The following PTPRT variants were observed in gnomAD, a reference collection of about 807,000 sequenced individuals.
PTPRT encodes receptor-type tyrosine-protein phosphatase T.
A neutral mutation model predicts 176.8 loss-of-function variants in PTPRT; 56 were observed. The ratio of observed to expected loss-of-function variants is 0.32; its 90% CI spans 0.26 to 0.40. The LOEUF (loss-of-function observed/expected upper bound fraction) is 0.40. PTPRT is among the 10% of genes least tolerant of loss of function. The pLI is 1.00. For missense variants in PTPRT, 1,540 were observed against 1,908.2 expected, an observed-to-expected ratio of 0.81 and a Z score of 3.60; for synonymous variants, 783 against 739.0, an observed-to-expected ratio of 1.06 and a Z score of -0.96.
intron 26 of PTPRT, among the ~76,000 whole-genome samples, chr20:42,099,045 G>A (rs945215824): frequency 6.6e-6 from 1 of 152,252 alleles, no homozygotes; most frequent in Non-Finnish European, 1.5e-5. Context: ...GGTGGGCACT[G>A]TGTCATGTGA....
intron 6 of PTPRT, among the ~76,000 whole-genome samples, chr20:42,752,366 G>C (rs1442917279): frequency 2.0e-5 from 3 of 152,176 alleles, no homozygotes; most frequent in Non-Finnish European, 2.9e-5. Flanking sequence ...CTACATTCCT[G>C]TTCCCAGATG....
intron 11 of PTPRT, among the ~76,000 whole-genome samples, chr20:42,349,714 A>G (rs2058248418): frequency 6.6e-6 from 1 of 152,220 alleles, no homozygotes; most frequent in Non-Finnish European, 1.5e-5. Context: ...GCAATTTGAA[A>G]GTTGTTCCAC....
the PTPRT span, among the ~76,000 whole-genome samples, chr20:42,049,474 G>T: frequency 6.6e-6 from 1 of 152,192 alleles, no homozygotes; most frequent in East Asian, 1.9e-4. Context: ...CTGAAGGCAA[G>T]TTTCATGAAT....
intron 2 of PTPRT, among the ~76,000 whole-genome samples, chr20:42,801,736 G>C (rs1368296096): frequency 2.0e-5 from 3 of 152,172 alleles, no homozygotes; most frequent in African/African-American, 7.2e-5. Flanking sequence ...TAAACTGTAG[G>C]CTGAGGTCTA....
intron 16 of PTPRT, among the ~76,000 whole-genome samples, chr20:42,170,362 G>T (rs1186554610): frequency 6.6e-6 from 1 of 152,112 alleles, no homozygotes; most frequent in East Asian, 1.9e-4. Context: ...TGCATTTTAG[G>T]TTCCTTGAAG....
chr20:42,414,603 A>G (rs775942125), intron 9 of PTPRT, among the ~76,000 whole-genome samples: 1 of 152,238 alleles, frequency 6.6e-6, no homozygotes, highest in South Asian at 2.1e-4. Flanking sequence ...AATAAACAGA[A>G]AATGCAAAGG....
intron 2 of PTPRT, among the ~76,000 whole-genome samples, chr20:42,799,625 A>G (rs976856900): frequency 1.3e-5 from 2 of 152,190 alleles, no homozygotes; most frequent in Admixed American, 6.5e-5. Context: ...TAAGGTCTTG[A>G]CCGATTTGCT....
intron 1 of PTPRT, among the ~76,000 whole-genome samples, chr20:42,965,521 T>C (rs1380762108): frequency 1.3e-5 from 2 of 152,242 alleles, no homozygotes; most frequent in African/African-American, 2.4e-5. Flanking sequence ...AGTTTAAGAA[T>C]GCCTGTGTTT....
intron 8 of PTPRT, among the ~76,000 whole-genome samples, chr20:42,463,258 T>G (rs1002067224): frequency 6.6e-5 from 10 of 152,174 alleles, no homozygotes; most frequent in Non-Finnish European, 1.5e-4. Context: ...TCTGTATCCC[T>G]TTTCCATTCC....
chr20:43,086,919 T>C (rs1266815125), intron 1 of PTPRT, among the ~76,000 whole-genome samples: 2 of 152,216 alleles, frequency 1.3e-5, no homozygotes, highest in South Asian at 2.1e-4. Flanking sequence ...TCTGGGTTTA[T>C]TGGATACAGC....
chr20:42,969,830 A>C (rs1210366000), intron 1 of PTPRT, among the ~76,000 whole-genome samples: 1 of 152,220 alleles, frequency 6.6e-6, no homozygotes, highest in African/African-American at 2.4e-5. Context: ...GAGGGATGTT[A>C]TTAATAAATA....
intron 11 of PTPRT, among the ~76,000 whole-genome samples, chr20:42,318,987 C>G (rs1217319394): frequency 6.6e-6 from 1 of 152,060 alleles, no homozygotes; most frequent in Non-Finnish European, 1.5e-5. Context: ...TGTGGCCAAG[C>G]AAGAAGATGG....
rs1228688924 is a variant in PTPRT at position 42,085,796 on chromosome 20, C to T, written c.3904G>A (p.Glu1302Lys). ...TCGTCGATGTCTGCGGAGACGAACT[C>T]CACCTGGATGGGCCCATAGCACCCG... is the stretch of plus-strand genomic sequence containing the variant. The part of the protein sequence containing the change: ...TSGCYGPIQV[E>K]FVSADIDEDI... Residue 1302 changes from glutamate to lysine, a missense_variant, in exon 28 of 31, where the codon GAG becomes AAG. By Grantham distance (56) the Glu-to-Lys change is moderately conservative (BLOSUM62 1). Transcript: ENST00000373187. 2 of 1,613,814 alleles carry T rather than the reference C, an allele frequency of 1.2e-6. No homozygotes were observed. Among genetic ancestry groups the T allele is most frequent in the Non-Finnish European group, 1.7e-6 (2 of 1,179,836 alleles).
chr20:42,918,708 G>T lies in PTPRT; in HGVS notation c.89-32776C>A, dbSNP rs376780318. Among the ~76,000 whole-genome samples, 121 of 152,256 alleles carry T rather than the reference G, an allele frequency of 7.9e-4. 2 individuals carry two copies. Among genetic ancestry groups the T allele is most frequent in the African/African-American group, 2.9e-3 (119 of 41,542 alleles). ...CTAGTTTAGAAGGAAGGGAGACAAA[G>T]ACCAACTTTCATTTGAGAGTTCAAC... On this transcript the variant is annotated intron_variant, in intron 1 of 30. Coordinates refer to ENST00000373187, the MANE Select transcript of PTPRT (RefSeq NM_007050.6).
At chr20:42,558,162 C>T (rs1226626050) in intron 7 of PTPRT, among the ~76,000 whole-genome samples, 1 of 152,076 alleles carries the variant, frequency 6.6e-6, no homozygotes, top group African/African-American at 2.4e-5. Flanking sequence ...TCTGAAAGGC[C>T]CCAGTGTGTG....
At chr20:42,522,854 A>C in intron 7 of PTPRT, among the ~76,000 whole-genome samples, 1 of 152,198 alleles carries the variant, frequency 6.6e-6, no homozygotes, top group East Asian at 1.9e-4. Context: ...AGCATTTAGA[A>C]GAGAATATAG....
chr20:42,115,986 T>C (rs939922785), intron 21 of PTPRT: 2 of 715,450 alleles, frequency 2.8e-6, no homozygotes, highest in South Asian at 1.5e-5. Context: ...GTCGCACTCA[T>C]GGATGAAAAA....
At chr20:42,893,322 T>C (rs1175275856) in intron 1 of PTPRT, among the ~76,000 whole-genome samples, 9 of 152,282 alleles carry the variant, frequency 5.9e-5, no homozygotes, top group South Asian at 2.1e-4. Flanking sequence ...TACCATCTCA[T>C]ACCAGTTAGA....
chr20:42,222,326 G>T (rs929149536), intron 15 of PTPRT, among the ~76,000 whole-genome samples: 2 of 152,154 alleles, frequency 1.3e-5, no homozygotes, highest in African/African-American at 4.8e-5. Context: ...GATACCTGTG[G>T]TGTCATGCAA....
Sources: allele counts gnomAD v4.1 joint callset (sites outside exome capture counted in the v4.1 genomes callset), GRCh38; gene constraint gnomAD v4.1.1; transcripts MANE v1.5; gene names NCBI Gene and HGNC (gene_info 2026-07-23, HGNC 2026-07-21).